AGAP1: variants seen among roughly 807,000 people sequenced by gnomAD.
AGAP1 encodes the protein ArfGAP with GTPase domain, ankyrin repeat and PH domain 1, also known as arf-GAP with GTPase, ANK repeat and PH domain-containing protein 1.
A neutral mutation model predicts 105.3 loss-of-function variants in AGAP1; 29 were observed. The observed-to-expected ratio is 0.28, with a 90% CI of 0.21 to 0.38. The LOEUF is 0.38. Ranked by LOEUF, AGAP1 falls within the 10% of genes least tolerant of loss-of-function variation. AGAP1 has a pLI of 1.00. For synonymous variants in AGAP1, 509 were observed against 485.9 expected (o/e 1.05, Z -0.63); for missense variants, 998 against 1,165.1 (o/e 0.86, Z 2.09).
intron 13 of AGAP1, among the ~76,000 whole-genome samples, chr2:235,991,534 AC>A (rs759897533): frequency 5.3e-5 from 8 of 152,164 alleles, no homozygotes; most frequent in African/African-American, 9.7e-5. Flanking sequence ...TCCCAGTGAG[AC>A]CCCACCTCTT....
chr2:235,708,127 T>G (rs1006949395), intron 1 of AGAP1, among the ~76,000 whole-genome samples: 1 of 152,268 alleles, frequency 6.6e-6, no homozygotes, highest in African/African-American at 2.4e-5. Context: ...TGATGGTGTT[T>G]CTTAACTTTT....
intron 13 of AGAP1, among the ~76,000 whole-genome samples, chr2:236,030,406 G>A (rs1216272610): frequency 6.6e-6 from 1 of 152,208 alleles, no homozygotes; most frequent in Non-Finnish European, 1.5e-5. Context: ...GTTGGTCTCC[G>A]TCCATGGGAA....
At chr2:235,526,798 GTTATGAT>G (rs1239493416) in intron 1 of AGAP1, among the ~76,000 whole-genome samples, 2 of 152,104 alleles carry the variant, frequency 1.3e-5, no homozygotes, top group African/African-American at 4.8e-5. Context: ...GTTCAGAATA[GTTATGAT>G]TTATGATAAA....
rs201621728 is a variant in AGAP1 at position 235,864,729 on chromosome 2, GA to G, written c.1051-18607del. 5.3e-5 allele frequency among the ~76,000 whole-genome samples: 8 copies of G among 150,966 alleles called. 1 individual carries two copies. The highest frequency in any genetic ancestry group is 4.9e-5 in the African/African-American group (2 of 41,202). On this transcript the variant is annotated intron_variant, in intron 9 of 17. Transcript: ENST00000304032. This position sits in a 1 kb window ranked among gnomAD's most constrained non-coding sequence, Gnocchi z 5.0. ...AGAGGGGATCTGTCAGTCCTGGTGG[GA>G]AAAAAAAACATTTTGTTTTTCTTAG...
At chr2:236,067,806 A>G (rs751857867) in intron 16 of AGAP1, among the ~76,000 whole-genome samples, 2 of 152,186 alleles carry the variant, frequency 1.3e-5, no homozygotes, top group African/African-American at 4.8e-5. Context: ...AGTGTTTTTC[A>G]CAAGAGTCTC....
At chr2:235,562,922 C>T (rs570417999) in intron 1 of AGAP1, among the ~76,000 whole-genome samples, 202 of 152,028 alleles carry the variant, frequency 1.3e-3, no homozygotes, top group Non-Finnish European at 1.3e-3. Flanking sequence ...TTAGCCCGGC[C>T]GGTGGTGTGC....
At chr2:235,762,307 G>C (rs1399041036) in intron 6 of AGAP1, among the ~76,000 whole-genome samples, 1 of 152,112 alleles carries the variant, frequency 6.6e-6, no homozygotes, top group Non-Finnish European at 1.5e-5. Flanking sequence ...GGGTGGCTTT[G>C]TCTCATGGAC....
rs1285802723 is a variant in AGAP1, at chr2:235,963,391, G to T, written c.1484-5071G>T. On this transcript the variant is annotated intron_variant, in intron 12 of 17. Transcript: ENST00000304032. This position sits in a 1 kb window ranked among gnomAD's most constrained non-coding sequence, Gnocchi z 5.1. Reference sequence around the variant, plus strand: ...TGGGATTCTGAATTCAGTTGTTAAAGGGCTGCTTTGTGTGCACATAGAAAA... The same window carrying T: ...TGGGATTCTGAATTCAGTTGTTAAATGGCTGCTTTGTGTGCACATAGAAAA... Among the ~76,000 whole-genome samples, 1 of 152,164 alleles carries T rather than the reference G, an allele frequency of 6.6e-6. No homozygotes were observed.
At chr2:235,532,457 C>A (rs191419664) in intron 1 of AGAP1, among the ~76,000 whole-genome samples, 1 of 152,178 alleles carries the variant, frequency 6.6e-6, no homozygotes, top group African/African-American at 2.4e-5. Context: ...CCTCCTGCCT[C>A]GGGCTCCCAG....
In AGAP1 at chr2:235,699,071, C is replaced by A. The variant is rs1001738566; in HGVS notation, c.164-10108C>A. Among the ~76,000 whole-genome samples the A allele has an allele frequency of 2.0e-3, 39 of 19,670 alleles. 1 individual carries two copies. The highest frequency in any genetic ancestry group is 3.6e-3 in the Non-Finnish European group (38 of 10,558). The allele number at this position is 19,670 out of a possible 152,430, so 12.9% of individuals were successfully genotyped here. A position where few individuals can be genotyped will look rare whatever the true frequency, so the allele number is the denominator to read the frequency against. On this transcript the variant is annotated intron_variant, in intron 1 of 17. Transcript: ENST00000304032. ...TGGACCACCACGGGCATCAGACATC[C>A]CCCCCCCCCACCCCACCTAGGCTCG...
intron 1 of AGAP1, among the ~76,000 whole-genome samples, chr2:235,616,782 A>C (rs1467707567): frequency 6.6e-6 from 1 of 152,222 alleles, no homozygotes; most frequent in East Asian, 1.9e-4. Flanking sequence ...ACAAATAGTG[A>C]AAACAAAATT....
intron 9 of AGAP1, among the ~76,000 whole-genome samples, chr2:235,851,275 C>G (rs957337465): frequency 6.6e-6 from 1 of 152,258 alleles, no homozygotes; most frequent in Admixed American, 6.5e-5. Context: ...TCCTGCTGCT[C>G]GGTCGGAGCT....
intron 10 of AGAP1, among the ~76,000 whole-genome samples, chr2:235,895,336 C>G (rs2050751492): frequency 7.2e-6 from 1 of 139,576 alleles, no homozygotes; most frequent in Non-Finnish European, 1.6e-5. Flanking sequence ...CTTGCCCCAG[C>G]TTGCCTCCTC....
rs766335361 is a variant in AGAP1 at position 235,611,959 on chromosome 2, G to A, written c.164-97220G>A. ...GGGTTGAGACCACATCCTAGGTGGCGGTCACAAACCCGGCCCAGCGGCCTC... is the reference window on the plus strand; with the variant it reads ...GGGTTGAGACCACATCCTAGGTGGCAGTCACAAACCCGGCCCAGCGGCCTC... On this transcript the variant is annotated intron_variant, in intron 1 of 17. Transcript: ENST00000304032. The surrounding 1 kb of genome is among the most constrained non-coding windows in gnomAD (Gnocchi z 5.0). Among the ~76,000 whole-genome samples, 3 of 152,072 alleles carry A rather than the reference G, an allele frequency of 2.0e-5. No individual in the cohort carries two copies. Among genetic ancestry groups the A allele is most frequent in the African/African-American group, 4.8e-5 (2 of 41,398 alleles).
chr2:235,926,716 A>G (rs988209702), intron 11 of AGAP1, among the ~76,000 whole-genome samples: 10 of 152,190 alleles, frequency 6.6e-5, no homozygotes, highest in Non-Finnish European at 1.5e-4. Flanking sequence ...TGCTTATGGA[A>G]TGAGCCTCCT....
intron 1 of AGAP1, among the ~76,000 whole-genome samples, chr2:235,648,223 C>T (rs1180739639): frequency 2.0e-5 from 3 of 152,308 alleles, no homozygotes; most frequent in African/African-American, 4.8e-5. Context: ...CCTGCCCCTC[C>T]ACCTCCTGTG....
At chr2:235,878,591 G>A (rs867786938) in intron 9 of AGAP1, among the ~76,000 whole-genome samples, 1 of 152,192 alleles carries the variant, frequency 6.6e-6, no homozygotes, top group Non-Finnish European at 1.5e-5. Context: ...ACTCAGGGTT[G>A]AGGCCTTCTC....
intron 9 of AGAP1, among the ~76,000 whole-genome samples, chr2:235,851,947 G>A (rs1441841864): frequency 6.6e-6 from 1 of 152,114 alleles, no homozygotes; most frequent in Non-Finnish European, 1.5e-5. Context: ...TTATAGACAT[G>A]AAAATACATT....
At chr2:236,074,503 C>T (rs1268570576) in intron 16 of AGAP1, among the ~76,000 whole-genome samples, 2 of 152,188 alleles carry the variant, frequency 1.3e-5, no homozygotes, top group Non-Finnish European at 2.9e-5. Flanking sequence ...ATTTCAAGTT[C>T]ATTCTAAACA....
Sources: gnomAD v4.1 joint callset for allele counts (sites outside exome capture counted in the v4.1 genomes callset) on GRCh38, gnomAD v4.1.1 for gene constraint, Gnocchi (gnomAD v3.1) non-coding constraint, MANE v1.5 for transcripts, NCBI Gene and HGNC (gene_info 2026-07-23, HGNC 2026-07-21) for gene names.